The following SSBP2 variants were observed in gnomAD, a reference collection of about 807,000 sequenced individuals.
SSBP2 encodes single-stranded DNA-binding protein 2.
In SSBP2, 17 loss-of-function variants were observed where a neutral mutation model predicts 61.8. That is an observed-to-expected ratio of 0.28 (90% CI 0.19 to 0.41). The LOEUF is 0.41. SSBP2 is among the 10% of genes least tolerant of loss of function. The pLI is 1.00. For missense variants in SSBP2, 310 were observed against 458.7 expected (o/e 0.68, Z 2.96); for synonymous variants, 139 against 141.3 (o/e 0.98, Z 0.12).
intron 13 of SSBP2, among the ~76,000 whole-genome samples, chr5:81,441,747 TA>T (rs1300101466): frequency 1.3e-5 from 2 of 152,204 alleles, no homozygotes; most frequent in African/African-American, 4.8e-5. Context: ...ATTGAGTATC[TA>T]AAAGCACGTA....
At chr5:81,503,627 T>G (rs546499984) in intron 5 of SSBP2, among the ~76,000 whole-genome samples, 7 of 152,204 alleles carry the variant, frequency 4.6e-5, no homozygotes, top group Admixed American at 6.5e-5. Context: ...ATCCTGTTAC[T>G]GGGTACATAC....
At chr5:81,624,211 C>A (rs913759880) in intron 3 of SSBP2, among the ~76,000 whole-genome samples, 1 of 152,014 alleles carries the variant, frequency 6.6e-6, no homozygotes, top group African/African-American at 2.4e-5. Flanking sequence ...AAATTAAATA[C>A]AAATTTAGTT....
At chr5:81,751,137 AC>A (rs538409044), upstream of SSBP2, 7 of 1,328,196 alleles carry the variant, frequency 5.3e-6, no homozygotes, top group Non-Finnish European at 7.3e-6. Context: ...CCACGCAGCC[AC>A]CCCCACTATT....
At chr5:81,597,762 A>G (rs1743923592) in intron 4 of SSBP2, among the ~76,000 whole-genome samples, 1 of 151,192 alleles carries the variant, frequency 6.6e-6, no homozygotes, top group Non-Finnish European at 1.5e-5. Context: ...GCAAGGACAA[A>G]AAACCAAACA....
chr5:81,633,733 T>G (rs1013845241), intron 3 of SSBP2, among the ~76,000 whole-genome samples: 1 of 152,178 alleles, frequency 6.6e-6, no homozygotes. Context: ...CATCTCCACT[T>G]GGATGGTATG....
chr5:81,538,969 G>C (rs2972234), intron 4 of SSBP2, among the ~76,000 whole-genome samples: 7 of 152,080 alleles, frequency 4.6e-5, no homozygotes, highest in Non-Finnish European at 7.4e-5. Flanking sequence ...GGATCATGGC[G>C]TAACTTTGAC....
chr5:81,445,177 T>C (rs1236076474), intron 12 of SSBP2, among the ~76,000 whole-genome samples: 2 of 73,330 alleles, frequency 2.7e-5, no homozygotes, highest in Non-Finnish European at 5.3e-5. Context: ...TATATATATA[T>C]GTATGTATTT....
intron 5 of SSBP2, among the ~76,000 whole-genome samples, chr5:81,495,561 C>CTT (rs1242084936): frequency 6.6e-6 from 1 of 152,128 alleles, no homozygotes; most frequent in Non-Finnish European, 1.5e-5. Context: ...ATTTATACCA[C>CTT]TTATCATAGA....
chr5:81,497,977 T>G (rs930674460), intron 5 of SSBP2, among the ~76,000 whole-genome samples: 16 of 152,174 alleles, frequency 1.1e-4, no homozygotes, highest in Admixed American at 2.0e-4. Flanking sequence ...CAATTCTATA[T>G]AGCAGTTTGC....
At chr5:81,644,566 C>T (rs1384645585) in intron 2 of SSBP2, among the ~76,000 whole-genome samples, 2 of 152,152 alleles carry the variant, frequency 1.3e-5, no homozygotes, top group Non-Finnish European at 2.9e-5. Flanking sequence ...GTCTAGTATT[C>T]AAGTTAATGT....
At chr5:81,484,849 A>G (rs1292450500) in intron 6 of SSBP2, among the ~76,000 whole-genome samples, 1 of 152,180 alleles carries the variant, frequency 6.6e-6, no homozygotes, top group South Asian at 2.1e-4. Flanking sequence ...TAGAATACCA[A>G]ATTCAACTTT....
intron 4 of SSBP2, among the ~76,000 whole-genome samples, chr5:81,559,312 G>A (rs913258133): frequency 1.9e-4 from 29 of 151,398 alleles, no homozygotes; most frequent in African/African-American, 3.7e-4. Context: ...GCTGGAACCC[G>A]GGAAGCGGAG....
chr5:81,580,297 C>G (rs1464625904), intron 4 of SSBP2, among the ~76,000 whole-genome samples: 1 of 151,898 alleles, frequency 6.6e-6, no homozygotes, highest in Non-Finnish European at 1.5e-5. Flanking sequence ...TGGTATTGAC[C>G]TGTTTGAGAA....
At chr5:81,474,628 A>C in intron 6 of SSBP2, 66 bp from the exon 7 acceptor site, 1 of 1,200,990 alleles carries the variant, frequency 8.3e-7, no homozygotes, top group South Asian at 1.5e-5. Flanking sequence ...TTTTTTAACA[A>C]TTTCCTTTTA....
chr5:81,599,328 T>C (rs1318288342), intron 4 of SSBP2, among the ~76,000 whole-genome samples: 1 of 152,216 alleles, frequency 6.6e-6, no homozygotes, highest in East Asian at 1.9e-4. Flanking sequence ...CAAGTTTCTA[T>C]TTTTCCCCTA....
At chr5:81,718,710 A>G (rs1755343247) in intron 1 of SSBP2, among the ~76,000 whole-genome samples, 1 of 152,220 alleles carries the variant, frequency 6.6e-6, no homozygotes, top group African/African-American at 2.4e-5. Flanking sequence ...TATTCCCAGG[A>G]GTGCCACATC....
At chr5:81,694,288 T>C (rs970963150) in intron 1 of SSBP2, among the ~76,000 whole-genome samples, 1 of 152,192 alleles carries the variant, frequency 6.6e-6, no homozygotes, top group Non-Finnish European at 1.5e-5. Context: ...TCAACAACAA[T>C]TTATTGTACA....
At chr5:81,458,347 T>G (rs1411509577) in intron 10 of SSBP2, among the ~76,000 whole-genome samples, 1 of 152,208 alleles carries the variant, frequency 6.6e-6, no homozygotes, top group Non-Finnish European at 1.5e-5. Flanking sequence ...TATGTGTTAG[T>G]TTTTTAGGAA....
At chr5:81,628,519 T>C (rs1747401279) in intron 3 of SSBP2, among the ~76,000 whole-genome samples, 1 of 152,188 alleles carries the variant, frequency 6.6e-6, no homozygotes, top group Non-Finnish European at 1.5e-5. Flanking sequence ...AAGCCTATGT[T>C]TTAAAATTGC....
Sources: allele counts gnomAD v4.1 joint callset (sites outside exome capture counted in the v4.1 genomes callset), GRCh38; gene constraint gnomAD v4.1.1; transcripts MANE v1.5; gene names NCBI Gene and HGNC (gene_info 2026-07-23, HGNC 2026-07-21).